ATAD2B: variants seen among roughly 807,000 people sequenced by gnomAD.
The protein encoded by ATAD2B is ATPase family AAA domain containing 2B.
Under a neutral mutation model 167.6 loss-of-function variants are expected in ATAD2B, and 40 were observed. That is an observed-to-expected ratio of 0.24 (90% CI 0.19 to 0.31). ATAD2B has a LOEUF of 0.31. ATAD2B is among the 10% of genes least tolerant of loss of function. ATAD2B has a pLI of 1.00. For synonymous variants in ATAD2B, 579 were observed against 596.5 expected, an observed-to-expected ratio of 0.97 and a Z score of 0.43; for missense variants, 1,242 against 1,757.2, an observed-to-expected ratio of 0.71 and a Z score of 5.24.
the ATAD2B span, chr2:23,706,514 T>C: frequency 6.5e-7 from 1 of 1,534,662 alleles, no homozygotes; most frequent in Non-Finnish European, 8.7e-7. Flanking sequence ...TTTATGCAAC[T>C]GGAGGTATTG....
At chr2:23,877,067 CAAAAA>C (rs36018928) in intron 7 of ATAD2B, among the ~76,000 whole-genome samples, 1 of 109,128 alleles carries the variant, frequency 9.2e-6, no homozygotes, top group African/African-American at 3.8e-5. Context: ...AACTCCATCT[CAAAAA>C]AAAAAAAAAA....
chr2:23,798,528 C>T (rs1682959833), intron 18 of ATAD2B, among the ~76,000 whole-genome samples: 2 of 151,870 alleles, frequency 1.3e-5, no homozygotes, highest in Admixed American at 6.6e-5. Context: ...TATGTTTTGC[C>T]CTATCAAAAA....
At chr2:23,736,227 A>ACCC in the ATAD2B span, among the ~76,000 whole-genome samples, 3 of 148,468 alleles carry the variant, frequency 2.0e-5, no homozygotes, top group African/African-American at 7.5e-5. Flanking sequence ...CCATAAAGGA[A>ACCC]CCCCCCCCAT....
chr2:23,908,952 C>T (rs1232692239), intron 1 of ATAD2B, among the ~76,000 whole-genome samples: 1 of 128,146 alleles, frequency 7.8e-6, no homozygotes, highest in Non-Finnish European at 1.5e-5. Context: ...AACACATGGA[C>T]ACAGGAAGGG....
chr2:23,850,940 C>T (rs77400814), intron 13 of ATAD2B, among the ~76,000 whole-genome samples: 1,652 of 152,248 alleles, frequency 0.011, 12 homozygotes, highest in South Asian at 0.018. Flanking sequence ...GCAAAACCCT[C>T]ATAAAGAGGA....
At chr2:23,916,893 T>C (rs1372970924) in intron 1 of ATAD2B, among the ~76,000 whole-genome samples, 1 of 152,132 alleles carries the variant, frequency 6.6e-6, no homozygotes. Flanking sequence ...GGAAGGGCTA[T>C]TTTTTTATGG....
At chr2:23,909,439 CAT>C (rs142022080) in intron 1 of ATAD2B, among the ~76,000 whole-genome samples, 3,940 of 149,670 alleles carry the variant, frequency 0.026, 170 homozygotes, top group African/African-American at 0.091. Flanking sequence ...TACATACATA[CAT>C]ATATATATAT....
chr2:23,814,154 T>C (rs1283860359), intron 17 of ATAD2B, among the ~76,000 whole-genome samples: 1 of 152,184 alleles, frequency 6.6e-6, no homozygotes, highest in Non-Finnish European at 1.5e-5. Context: ...ACAGGAATGG[T>C]TCTTAATGTA....
At chr2:23,825,648 A>G (rs1688137378) in intron 15 of ATAD2B, among the ~76,000 whole-genome samples, 1 of 152,214 alleles carries the variant, frequency 6.6e-6, no homozygotes, top group African/African-American at 2.4e-5. Flanking sequence ...CCGAGGAAAT[A>G]GGAATATACT....
the ATAD2B span, among the ~76,000 whole-genome samples, chr2:23,693,964 C>T: frequency 6.6e-6 from 1 of 152,314 alleles, no homozygotes; most frequent in South Asian, 2.1e-4. Context: ...AGAGAGGGCT[C>T]CCGCCCCAGA....
At chr2:23,836,535 C>T (rs902586313) in intron 13 of ATAD2B, among the ~76,000 whole-genome samples, 3 of 152,188 alleles carry the variant, frequency 2.0e-5, no homozygotes, top group Non-Finnish European at 2.9e-5. Context: ...AGTTCTTGTC[C>T]TGAGTCCAGG....
chr2:23,738,884 G>A, the ATAD2B span, among the ~76,000 whole-genome samples: 2 of 151,968 alleles, frequency 1.3e-5, no homozygotes, highest in Non-Finnish European at 2.9e-5. Flanking sequence ...AACAAAAAAA[G>A]GCAGGGGTTG....
intron 18 of ATAD2B, among the ~76,000 whole-genome samples, chr2:23,804,560 C>G (rs550690252): frequency 6.6e-6 from 1 of 151,978 alleles, no homozygotes; most frequent in Non-Finnish European, 1.5e-5. Context: ...CTCTCTCCTT[C>G]CCACCAAAAC....
intron 22 of ATAD2B, among the ~76,000 whole-genome samples, chr2:23,776,799 ATT>A (rs1328806753): frequency 6.6e-6 from 1 of 152,178 alleles, no homozygotes; most frequent in African/African-American, 2.4e-5. Flanking sequence ...TCTTAATAAT[ATT>A]TGTTATTATA....
chr2:23,692,833 G>A, the ATAD2B span, among the ~76,000 whole-genome samples: 1 of 152,306 alleles, frequency 6.6e-6, no homozygotes, highest in Non-Finnish European at 1.5e-5. Flanking sequence ...AAGCTGGGAG[G>A]TGTGTGAGGG....
At chr2:23,742,601 G>T in the ATAD2B span, among the ~76,000 whole-genome samples, 1 of 151,496 alleles carries the variant, frequency 6.6e-6, no homozygotes, top group Non-Finnish European at 1.5e-5. Flanking sequence ...TATACCTAAT[G>T]ATAAATGACG....
the ATAD2B span, among the ~76,000 whole-genome samples, chr2:23,687,150 G>A: frequency 3.2e-4 from 49 of 152,166 alleles, no homozygotes; most frequent in Admixed American, 3.9e-4. Flanking sequence ...GTGGCTCCAC[G>A]CTCAGGCAGC....
At chr2:23,868,404 G>A (rs981562006) in intron 9 of ATAD2B, among the ~76,000 whole-genome samples, 8 of 152,148 alleles carry the variant, frequency 5.3e-5, no homozygotes, top group African/African-American at 1.9e-4. Flanking sequence ...GGGCTCAAGT[G>A]ATCCTCCCAC....
intron 1 of ATAD2B, among the ~76,000 whole-genome samples, chr2:23,921,002 C>A (rs542542277): frequency 6.6e-6 from 1 of 151,862 alleles, no homozygotes; most frequent in Non-Finnish European, 1.5e-5. Flanking sequence ...GTCAGGAGTT[C>A]GAGACCAGCC....
Sources: allele counts gnomAD v4.1 joint callset (sites outside exome capture counted in the v4.1 genomes callset), GRCh38; gene constraint gnomAD v4.1.1; transcripts MANE v1.5; gene names NCBI Gene and HGNC (gene_info 2026-07-23, HGNC 2026-07-21).